GEMIN5: variants seen among roughly 807,000 people sequenced by gnomAD.
GEMIN5 encodes the protein gem nuclear organelle associated protein 5.
In GEMIN5, 124 loss-of-function variants were observed where a neutral mutation model predicts 176.9. The observed-to-expected ratio is 0.70, with a 90% CI of 0.61 to 0.81. The LOEUF (loss-of-function observed/expected upper bound fraction) is 0.81, where lower values mean the gene tolerates loss of function less well. Among genes scored for constraint, GEMIN5 ranks in the 40% least tolerant of loss-of-function variants. GEMIN5 has a pLI of 0.00. For missense variants in GEMIN5, 1,843 were observed against 1,814.6 expected, an observed-to-expected ratio of 1.02 and a Z score of -0.28; for synonymous variants, 673 against 665.2, an observed-to-expected ratio of 1.01 and a Z score of -0.18.
At chr5:154,905,021 C>T (rs1323681050) in intron 17 of GEMIN5, among the ~76,000 whole-genome samples, 6 of 151,714 alleles carry the variant, frequency 4.0e-5, no homozygotes, top group Admixed American at 1.3e-4. Context: ...GGTGAATCCC[C>T]GTCTCTACTA....
Position 154,931,401 on chromosome 5 carries a change from C to T in GEMIN5, c.781+57G>A, listed in dbSNP as rs1004295104. The T allele has an allele frequency of 3.9e-6, 6 of 1,528,980 alleles. No individual in the cohort carries two copies. In the African/African-American group the frequency reaches 8.3e-5, roughly 21 times the overall value. The allele number at this position is 1,528,980 out of a possible 1,614,324, so 94.7% of individuals were successfully genotyped here. The stretch of plus-strand genomic sequence containing the variant: ...CCCTCAGGACAATAAGAACAGAAAA[C>T]CCTCTACTTCCACCAGATCAACATA... On this transcript the variant is annotated intron_variant, in intron 5 of 27. Coordinates refer to ENST00000285873, the MANE Select transcript of GEMIN5 (RefSeq NM_015465.5).
In GEMIN5 at chr5:154,920,051, C is replaced by A. The variant is rs763833008; in HGVS notation, c.1515G>T (p.Gly505=). The A allele has an allele frequency of 2.3e-5, 37 of 1,612,850 alleles. No homozygotes were observed. Among genetic ancestry groups the A allele is most frequent in the Non-Finnish European group, 3.1e-5 (37 of 1,178,992 alleles). The change falls in exon 11 of 28, where the codon GGG becomes GGT. Residue 505 remains glycine (G), a synonymous_variant. Coordinates refer to ENST00000285873, the MANE Select transcript of GEMIN5 (RefSeq NM_015465.5). Reference sequence around the variant, plus strand: ...TCCAGGGATTATGCTGTAAGACAATCCCTTCTCCTCCACAGCTGTATAAAG... The same window carrying A: ...TCCAGGGATTATGCTGTAAGACAATACCTTCTCCTCCACAGCTGTATAAAG... ...SLALYSCGGE[G]IVLQHNPWKL...
At chr5:154,902,824 G>A (rs1763492492) in intron 19 of GEMIN5, 148 bp from the exon 20 acceptor site, 1 of 814,294 alleles carries the variant, frequency 1.2e-6, no homozygotes. Flanking sequence ...AGTGATTACA[G>A]TAAGATCTGA....
In GEMIN5 at chr5:154,887,513, A is replaced by T. The variant is rs1182522683; in HGVS notation, c.*697T>A. ...TGAAACAGTAATTTATTCCTGAGCT[A>T]TTTGACTGCCATCAATCCATTTGTT... is the stretch of plus-strand genomic sequence containing the variant. On this transcript the variant is annotated 3_prime_UTR_variant, in exon 28 of 28. Coordinates refer to ENST00000285873, the MANE Select transcript of GEMIN5 (RefSeq NM_015465.5). The T allele has an allele frequency of 6.6e-6, 1 of 152,242 alleles. No individual in the cohort carries two copies. 9.4% of individuals were successfully genotyped at this position (152,242 alleles called of 1,614,324 possible).
intron 7 of GEMIN5, among the ~76,000 whole-genome samples, chr5:154,926,335 T>C (rs940976869): frequency 6.6e-6 from 1 of 152,236 alleles, no homozygotes; most frequent in Non-Finnish European, 1.5e-5. Flanking sequence ...CCACGCCTCC[T>C]GTCTCCAAGT....
intron 15 of GEMIN5, among the ~76,000 whole-genome samples, chr5:154,911,503 A>C (rs1271486580): frequency 6.6e-6 from 1 of 151,844 alleles, no homozygotes; most frequent in Non-Finnish European, 1.5e-5. Flanking sequence ...ACAGAGCGAG[A>C]CTCTGTCTCA....
At chr5:154,898,781 C>T (rs1180713265) in intron 22 of GEMIN5, 131 bp from the exon 23 acceptor site, 1 of 736,470 alleles carries the variant, frequency 1.4e-6, no homozygotes, top group East Asian at 2.7e-5. Flanking sequence ...ATGTCACTGC[C>T]CCGGTTGTTC....
intron 7 of GEMIN5, among the ~76,000 whole-genome samples, chr5:154,926,391 T>C (rs1429891405): frequency 6.6e-6 from 1 of 152,164 alleles, no homozygotes. Flanking sequence ...CCCCCTCATT[T>C]GGCAAACTCT....
intron 10 of GEMIN5, among the ~76,000 whole-genome samples, chr5:154,920,789 G>T (rs766747015): frequency 1.3e-5 from 2 of 152,158 alleles, no homozygotes; most frequent in Admixed American, 6.5e-5. Context: ...GTTTATCAGA[G>T]ACTTTTGATG....
chr5:154,911,346 T>C (rs929919018), intron 15 of GEMIN5, among the ~76,000 whole-genome samples: 1 of 152,094 alleles, frequency 6.6e-6, no homozygotes, highest in Non-Finnish European at 1.5e-5. Flanking sequence ...ATCCCGTCTC[T>C]ACTAAAAACA....
intron 15 of GEMIN5, among the ~76,000 whole-genome samples, chr5:154,911,239 C>G (rs1237387370): frequency 6.6e-6 from 1 of 152,010 alleles, no homozygotes; most frequent in Non-Finnish European, 1.5e-5. Flanking sequence ...CTGGGCTGGG[C>G]ACGGTGGCTC....
intron 23 of GEMIN5, among the ~76,000 whole-genome samples, chr5:154,897,358 T>C (rs1340265778): frequency 6.6e-6 from 1 of 152,256 alleles, no homozygotes; most frequent in African/African-American, 2.4e-5. Flanking sequence ...TGTTTACATG[T>C]TTCAGAAACT....
intron 5 of GEMIN5, among the ~76,000 whole-genome samples, chr5:154,930,244 AG>A (rs1162672740): frequency 6.6e-6 from 1 of 152,208 alleles, no homozygotes. Flanking sequence ...GTCTAACCCT[AG>A]CTGATAGGGG....
chr5:154,934,479 A>AT (rs978810017), intron 3 of GEMIN5, among the ~76,000 whole-genome samples: 3 of 152,042 alleles, frequency 2.0e-5, no homozygotes, highest in African/African-American at 7.2e-5. Flanking sequence ...ACCTGGCCTG[A>AT]TTTTTTATTT....
intron 20 of GEMIN5, 93 bp downstream of exon 20, chr5:154,902,446 A>G (rs1263454760): frequency 8.7e-7 from 1 of 1,149,578 alleles, no homozygotes; most frequent in Non-Finnish European, 1.3e-6. Flanking sequence ...AAGTGATTTC[A>G]AGCTTAAGAC....
intron 18 of GEMIN5, 73 bp from the exon 19 acceptor site, chr5:154,903,248 C>T (rs538211620): frequency 2.4e-5 from 24 of 984,258 alleles, no homozygotes; most frequent in South Asian, 4.1e-5. Flanking sequence ...CAATAACTTC[C>T]GAATATATGT....
chr5:154,927,689 T>C, intron 6 of GEMIN5, 139 bp from the exon 7 acceptor site: 2 of 598,460 alleles, frequency 3.3e-6, no homozygotes, highest in South Asian at 2.4e-5. Flanking sequence ...GCTGAAAATA[T>C]GCACAAAATA....
chr5:154,895,184 TA>T (rs1763323357), intron 24 of GEMIN5, among the ~76,000 whole-genome samples: 1 of 151,808 alleles, frequency 6.6e-6, no homozygotes, highest in African/African-American at 2.4e-5. Context: ...ATAAATATCA[TA>T]ATGTTCCCTC....
In GEMIN5 at chr5:154,903,133, T is replaced by C. The variant is rs1763499347; in HGVS notation, c.2675A>G (p.His892Arg). The stretch of plus-strand genomic sequence containing the variant: ...AGCCCTGTCTGTGAAAAGCCCCAGA[T>C]GAAATCTTTCCTCAACATCAGCAGA... Reference protein sequence around the residue: ...DVSADVEERFHLGLFTDRATL... With the variant: ...DVSADVEERFRLGLFTDRATL... Residue 892 changes from histidine (H) to arginine (R), a missense_variant, in exon 19 of 28, where the codon CAT becomes CGT. Coordinates refer to ENST00000285873, the MANE Select transcript of GEMIN5 (RefSeq NM_015465.5). 11 of 1,613,376 alleles carry C rather than the reference T, an allele frequency of 6.8e-6. No individual in the cohort carries two copies. The East Asian group carries it at 2.2e-4, about 33-fold the overall frequency.
Sources: allele counts gnomAD v4.1 joint callset (sites outside exome capture counted in the v4.1 genomes callset), GRCh38; gene constraint gnomAD v4.1.1; transcripts MANE v1.5; gene names NCBI Gene and HGNC (gene_info 2026-07-23, HGNC 2026-07-21).